Variants in MAPKAPK5 observed in about 807,000 individuals in gnomAD.
MAPKAPK5 encodes the protein MAPK activated protein kinase 5, also known as MAP kinase-activated protein kinase 5.
MAPKAPK5 carries 30 observed loss-of-function variants against 65.1 expected under a neutral mutation model. The ratio of observed to expected loss-of-function variants is 0.46; its 90% confidence interval spans 0.34 to 0.63. The LOEUF (loss-of-function observed/expected upper bound fraction) is 0.63, where lower values mean the gene tolerates loss of function less well. MAPKAPK5 is among the 20% of genes least tolerant of loss of function. MAPKAPK5 has a pLI of 0.01. For synonymous variants in MAPKAPK5, 179 were observed against 204.6 expected, an observed-to-expected ratio of 0.87 and a Z score of 1.07; for missense variants, 433 against 581.4, an observed-to-expected ratio of 0.74 and a Z score of 2.63.
At position 111,868,667 on chromosome 12, in the gene MAPKAPK5, A is replaced by T; in HGVS notation, c.285-86A>T. ...CACACTTTGTAGATGCAGTATCTTT[A>T]GGTCAGCTTCTTAATGTTTCAGGGT... On this transcript the variant is annotated intron_variant, in intron 4 of 13. Coordinates refer to ENST00000550735, the MANE Select transcript of MAPKAPK5 (RefSeq NM_003668.4). 1.0e-5 allele frequency: 10 copies of T among 1,002,806 alleles called. No homozygotes were observed. The South Asian group carries it at 1.5e-4, about 15-fold the overall frequency. The allele number at this position is 1,002,806 out of a possible 1,614,324, so 62.1% of individuals were successfully genotyped here.
At chr12:111,869,949 C>T (rs1264263984) in intron 5 of MAPKAPK5, among the ~76,000 whole-genome samples, 1 of 152,196 alleles carries the variant, frequency 6.6e-6, no homozygotes, top group African/African-American at 2.4e-5. Context: ...TCTGCAGTGT[C>T]TGTCATACCT....
intron 1 of MAPKAPK5, among the ~76,000 whole-genome samples, chr12:111,855,936 A>G (rs1717639336): frequency 6.7e-6 from 1 of 148,806 alleles, no homozygotes; most frequent in African/African-American, 2.5e-5. Context: ...GTTCACCGCA[A>G]CCTCTGCCTC....
chr12:111,872,207 C>T (rs775174994), intron 7 of MAPKAPK5, among the ~76,000 whole-genome samples: 3 of 152,112 alleles, frequency 2.0e-5, no homozygotes, highest in Non-Finnish European at 4.4e-5. Context: ...ATGGCTATAC[C>T]ATTTTATGCG....
At chr12:111,844,349 C>T (rs1414959400) in intron 1 of MAPKAPK5, among the ~76,000 whole-genome samples, 4 of 151,664 alleles carry the variant, frequency 2.6e-5, no homozygotes, top group African/African-American at 9.7e-5. Flanking sequence ...TGCCACCACA[C>T]CCAGCTAATT....
At chr12:111,846,042 A>T (rs2068898406) in intron 1 of MAPKAPK5, among the ~76,000 whole-genome samples, 1 of 152,132 alleles carries the variant, frequency 6.6e-6, no homozygotes. Context: ...TTTTCTTAAA[A>T]TTTTTTTAGC....
At chr12:111,887,981 A>G (rs1450984665) in intron 10 of MAPKAPK5, 1 of 160,138 alleles carries the variant, frequency 6.2e-6, no homozygotes, top group Non-Finnish European at 1.4e-5. Flanking sequence ...AAAAGCACAA[A>G]CTTCCAGAGT....
At position 111,868,703 on chromosome 12, in the gene MAPKAPK5, TTTTTC is replaced by T. The variant is rs537963397; in HGVS notation, c.285-45_285-41del. 1.9e-5 allele frequency: 26 copies of T among 1,405,354 alleles called. No homozygotes were observed. The African/African-American group carries it at 3.1e-4, about 17-fold the overall frequency. 87.1% of individuals were successfully genotyped at this position (1,405,354 alleles called of 1,614,324 possible). The stretch of plus-strand genomic sequence containing the variant: ...TTAATGTTTCAGGGTTTTTTGTTTC[TTTTTC>T]TTTTTTTTTTTTTTAACTTAACAAA... On this transcript the variant is annotated intron_variant, in intron 4 of 13. Coordinates refer to ENST00000550735, the MANE Select transcript of MAPKAPK5 (RefSeq NM_003668.4).
At position 111,899,846 on chromosome 12, in the gene MAPKAPK5, T is replaced by C. The variant is rs935252974; in HGVS notation, c.*6785T>C. ...TTCAAGACGGTTTGAACATGTGTTA[T>C]ACACCATGGCACATCAAGCGTGAGT... is the stretch of plus-strand genomic sequence containing the variant. On this transcript the variant is annotated 3_prime_UTR_variant, in exon 14 of 14. Transcript: ENST00000550735. The C allele has an allele frequency of 4.4e-6, 2 of 452,326 alleles. No individual in the cohort carries two copies. Among genetic ancestry groups the C allele is most frequent in the South Asian group, 1.6e-5 (1 of 64,498 alleles). 28.0% of individuals were successfully genotyped at this position (452,326 alleles called of 1,614,324 possible).
rs2070936551 is a variant in MAPKAPK5, at chr12:111,899,244, T to G, written c.*6183T>G. 1 of 152,708 alleles carries G rather than the reference T, an allele frequency of 6.5e-6. No individual in the cohort carries two copies. Among genetic ancestry groups the G allele is most frequent in the Non-Finnish European group, 1.5e-5 (1 of 68,456 alleles). 9.5% of individuals were successfully genotyped at this position (152,708 alleles called of 1,614,324 possible). On this transcript the variant is annotated 3_prime_UTR_variant, in exon 14 of 14. Coordinates refer to ENST00000550735, the MANE Select transcript of MAPKAPK5 (RefSeq NM_003668.4). Reference sequence around the variant, plus strand: ...CTGATGGACATAGGCCCAGAATCATTAACTGATTTATTTGGGCCATGTCAC... The same window carrying G: ...CTGATGGACATAGGCCCAGAATCATGAACTGATTTATTTGGGCCATGTCAC...
At chr12:111,880,672 G>A (rs1262926416) in intron 8 of MAPKAPK5, 145 bp downstream of exon 8, 1 of 669,572 alleles carries the variant, frequency 1.5e-6, no homozygotes, top group Non-Finnish European at 2.6e-6. Context: ...TCGCAGAAAA[G>A]TATTTGGAAT....
intron 1 of MAPKAPK5, among the ~76,000 whole-genome samples, chr12:111,854,182 C>T (rs965919543): frequency 2.4e-4 from 37 of 151,798 alleles, no homozygotes; most frequent in African/African-American, 8.9e-4. Context: ...GTATACCCTC[C>T]TCTATGGGAT....
At chr12:111,873,243 A>G (rs879780379) in intron 7 of MAPKAPK5, among the ~76,000 whole-genome samples, 5 of 152,162 alleles carry the variant, frequency 3.3e-5, no homozygotes, top group African/African-American at 9.7e-5. Context: ...AAGGGTGTCA[A>G]GTTGTTGCAG....
chr12:111,855,547 G>A (rs1277981475), intron 1 of MAPKAPK5, among the ~76,000 whole-genome samples: 15 of 152,066 alleles, frequency 9.9e-5, no homozygotes, highest in Admixed American at 9.8e-4. Flanking sequence ...GTGTTGTTTA[G>A]GCCAGGTGCA....
At chr12:111,867,360 A>G (rs1297357342) in intron 3 of MAPKAPK5, among the ~76,000 whole-genome samples, 1 of 152,258 alleles carries the variant, frequency 6.6e-6, no homozygotes, top group Non-Finnish European at 1.5e-5. Context: ...TTTCATTTGC[A>G]AATAAATGGA....
At chr12:111,844,255 C>G (rs1326982111) in intron 1 of MAPKAPK5, among the ~76,000 whole-genome samples, 1 of 150,720 alleles carries the variant, frequency 6.6e-6, no homozygotes, top group African/African-American at 2.4e-5. Context: ...CAGTGGGATG[C>G]TCTTGGCTCA....
chr12:111,862,716 G>A (rs1396998760), intron 1 of MAPKAPK5, among the ~76,000 whole-genome samples: 1 of 152,030 alleles, frequency 6.6e-6, no homozygotes, highest in Admixed American at 6.6e-5. Flanking sequence ...TAAGTACAAT[G>A]GAGAATTTGG....
At chr12:111,873,608 G>T (rs1050822318) in intron 7 of MAPKAPK5, among the ~76,000 whole-genome samples, 1 of 152,156 alleles carries the variant, frequency 6.6e-6, no homozygotes, top group Non-Finnish European at 1.5e-5. Flanking sequence ...CTCCCAAAGT[G>T]CTGGGATTAC....
chr12:111,843,815 C>T (rs143169019), intron 1 of MAPKAPK5, among the ~76,000 whole-genome samples: 1 of 152,186 alleles, frequency 6.6e-6, no homozygotes, highest in Non-Finnish European at 1.5e-5. Flanking sequence ...GGTTTTTTGT[C>T]TGTTTGTTTG....
At position 111,900,347 on chromosome 12, in the gene MAPKAPK5, A is replaced by G. The variant is rs139354009; in HGVS notation, c.*7286A>G. ...ATCATGAAGATGTGCTGTTGTTTGC[A>G]GCCCTGATGGCCCATGAGCTCGGGC... On this transcript the variant is annotated 3_prime_UTR_variant, in exon 14 of 14. Transcript: ENST00000550735. 6.6e-6 allele frequency: 3 copies of G among 456,082 alleles called. No individual in the cohort carries two copies. Among genetic ancestry groups the G allele is most frequent in the Non-Finnish European group, 1.3e-5 (3 of 226,784 alleles). 28.3% of individuals were successfully genotyped at this position (456,082 alleles called of 1,614,324 possible).
Sources: allele counts gnomAD v4.1 joint callset (sites outside exome capture counted in the v4.1 genomes callset), GRCh38; gene constraint gnomAD v4.1.1; transcripts MANE v1.5; gene names NCBI Gene and HGNC (gene_info 2026-07-23, HGNC 2026-07-21).